Variants in SIPA1L1 observed in about 807,000 individuals in gnomAD.
SIPA1L1 encodes signal induced proliferation associated 1 like 1, also known as signal-induced proliferation-associated 1-like protein 1.
Under a neutral mutation model 162.7 loss-of-function variants are expected in SIPA1L1, and 26 were observed. The observed-to-expected ratio is 0.16, with a 90% CI of 0.12 to 0.22. SIPA1L1 has a LOEUF of 0.22. SIPA1L1 is among the 10% of genes least tolerant of loss of function. SIPA1L1 has a pLI of 1.00. For missense variants in SIPA1L1, 1,874 were observed against 2,241.0 expected (o/e 0.84, Z 3.31); for synonymous variants, 829 against 837.4 (o/e 0.99, Z 0.17).
intron 2 of SIPA1L1, among the ~76,000 whole-genome samples, chr14:71,490,410 C>G (rs1189170882): frequency 6.6e-6 from 1 of 151,994 alleles, no homozygotes; most frequent in Non-Finnish European, 1.5e-5. Context: ...AACATTATGT[C>G]TTTTTGGTAC....
At chr14:71,706,091 G>C (rs947837259) in intron 16 of SIPA1L1, among the ~76,000 whole-genome samples, 2 of 152,064 alleles carry the variant, frequency 1.3e-5, no homozygotes, top group Admixed American at 6.6e-5. Flanking sequence ...GATGCCCAGA[G>C]AACTTTAAAT....
chr14:71,358,443 G>A (rs977458587), intron 2 of SIPA1L1, among the ~76,000 whole-genome samples: 1 of 152,044 alleles, frequency 6.6e-6, no homozygotes, highest in Admixed American at 6.5e-5. Context: ...GTGTATAGTC[G>A]GTACAAGTTA....
At chr14:71,388,390 C>T (rs1325284543) in intron 2 of SIPA1L1, among the ~76,000 whole-genome samples, 1 of 152,116 alleles carries the variant, frequency 6.6e-6, no homozygotes, top group South Asian at 2.1e-4. Context: ...TCTGCAAAAC[C>T]ACATGAATAT....
In SIPA1L1 at chr14:71,588,702, A is replaced by G; in HGVS notation, c.830A>G (p.Glu277Gly). The G allele has an allele frequency of 6.2e-7, 1 of 1,613,958 alleles. No homozygotes were observed. Among genetic ancestry groups the G allele is most frequent in the Non-Finnish European group, 8.5e-7 (1 of 1,179,982 alleles). ...AGAGAGAACCTCAGGCTTTTTAAGG[A>G]AAGGGAAAAACCACTCAAGCGACGT... ...SQRENLRLFK[E>G]REKPLKRRSK... Residue 277 changes from glutamate to glycine, a missense_variant, in exon 5 of 24, where the codon GAA (glutamate) becomes GGA (glycine). By Grantham distance (98) the Glu-to-Gly change is moderately conservative (BLOSUM62 -2). Coordinates refer to ENST00000381232, the MANE Select transcript of SIPA1L1 (RefSeq NM_001386936.1). The surrounding 1 kb of genome is among the most constrained non-coding windows in gnomAD (Gnocchi z 4.3).
chr14:71,520,974 G>A (rs982206609), intron 3 of SIPA1L1, among the ~76,000 whole-genome samples: 4 of 151,934 alleles, frequency 2.6e-5, no homozygotes, highest in South Asian at 2.1e-4. Context: ...GTCTGGTCTC[G>A]AACTCCTGGA....
intron 13 of SIPA1L1, among the ~76,000 whole-genome samples, chr14:71,692,291 C>CT (rs1276634541): frequency 6.6e-6 from 1 of 152,182 alleles, no homozygotes; most frequent in African/African-American, 2.4e-5. Flanking sequence ...TTTTTGTTGA[C>CT]TAAGTTTAGA....
intron 2 of SIPA1L1, among the ~76,000 whole-genome samples, chr14:71,511,288 C>T (rs942497479): frequency 6.6e-6 from 1 of 151,990 alleles, no homozygotes; most frequent in Non-Finnish European, 1.5e-5. Flanking sequence ...CAGCCCCCCT[C>T]CCCCGCCTTT....
At chr14:71,710,675 G>A (rs2082804398) in intron 17 of SIPA1L1, among the ~76,000 whole-genome samples, 1 of 151,976 alleles carries the variant, frequency 6.6e-6, no homozygotes, top group Non-Finnish European at 1.5e-5. Flanking sequence ...GGGCATGGTG[G>A]CAGGCACCTG....
At chr14:71,325,208 A>G (rs61586684) in intron 2 of SIPA1L1, among the ~76,000 whole-genome samples, 4,866 of 152,270 alleles carry the variant, frequency 0.032, 271 homozygotes, top group African/African-American at 0.11. Flanking sequence ...TGGTATGGGA[A>G]ATCAATTGGC....
intron 10 of SIPA1L1, among the ~76,000 whole-genome samples, chr14:71,667,165 C>G (rs1174431596): frequency 6.6e-6 from 1 of 152,144 alleles, no homozygotes; most frequent in African/African-American, 2.4e-5. Flanking sequence ...CCATGCCTAC[C>G]TCACTCCTTT....
chr14:71,617,707 CA>C (rs1298882748), intron 5 of SIPA1L1, among the ~76,000 whole-genome samples: 1 of 152,078 alleles, frequency 6.6e-6, no homozygotes, highest in African/African-American at 2.4e-5. Context: ...CATGTATTTT[CA>C]AATGTGTATG....
intron 7 of SIPA1L1, among the ~76,000 whole-genome samples, chr14:71,632,488 T>C (rs775489077): frequency 3.3e-5 from 5 of 152,128 alleles, no homozygotes; most frequent in Non-Finnish European, 7.4e-5. Flanking sequence ...CAGCCTTCCC[T>C]CCTCCCTAAT....
intron 5 of SIPA1L1, among the ~76,000 whole-genome samples, chr14:71,595,858 G>A (rs2035967772): frequency 6.6e-6 from 1 of 152,108 alleles, no homozygotes; most frequent in African/African-American, 2.4e-5. Context: ...TCAAATTGCA[G>A]GTAACTTCTG....
At chr14:71,727,489 C>G (rs895016728) in intron 19 of SIPA1L1, among the ~76,000 whole-genome samples, 5 of 150,446 alleles carry the variant, frequency 3.3e-5, no homozygotes, top group African/African-American at 7.4e-5. Flanking sequence ...AGAATTCAGA[C>G]AGTAGAGTTT....
intron 2 of SIPA1L1, among the ~76,000 whole-genome samples, chr14:71,322,469 A>T (rs915055860): frequency 6.6e-6 from 1 of 152,228 alleles, no homozygotes; most frequent in African/African-American, 2.4e-5. Context: ...ACCAGGATTT[A>T]AAAAAGAGGA....
intron 4 of SIPA1L1, among the ~76,000 whole-genome samples, chr14:71,583,570 C>G (rs2034217899): frequency 6.6e-6 from 1 of 152,046 alleles, no homozygotes. Context: ...CTTCCCACAT[C>G]TTCTTCTTGT....
intron 2 of SIPA1L1, among the ~76,000 whole-genome samples, chr14:71,473,979 A>G (rs1162034517): frequency 1.3e-5 from 2 of 152,256 alleles, no homozygotes; most frequent in African/African-American, 4.8e-5. Flanking sequence ...GAATGCAGCT[A>G]TCCTGGGATT....
rs539992205 is a variant in SIPA1L1 at position 71,657,019 on chromosome 14, G to A, written c.1994-1314G>A. Among the ~76,000 whole-genome samples, 6 of 152,262 alleles carry A rather than the reference G, an allele frequency of 3.9e-5. No individual in the cohort carries two copies. In the South Asian group the frequency reaches 1.0e-3, roughly 26 times the overall value. ...GTCAGAGACTTTGTCTGAGAGCATC[G>A]TTCTCTAAAATGCCATCAAGTGTTT... is the stretch of plus-strand genomic sequence containing the variant. On this transcript the variant is annotated intron_variant, in intron 8 of 23. Transcript: ENST00000381232.
chr14:71,547,933 A>G (rs966735056), intron 4 of SIPA1L1, among the ~76,000 whole-genome samples: 2 of 152,122 alleles, frequency 1.3e-5, no homozygotes, highest in Admixed American at 1.3e-4. Flanking sequence ...AGTCCCAACT[A>G]CTTGGGAGGC....
Sources: allele counts gnomAD v4.1 joint callset (sites outside exome capture counted in the v4.1 genomes callset), GRCh38; gene constraint gnomAD v4.1.1; non-coding constraint Gnocchi (gnomAD v3.1); transcripts MANE v1.5; gene names NCBI Gene and HGNC (gene_info 2026-07-23, HGNC 2026-07-21).